The following EPHA3 variants were observed in gnomAD, a reference collection of about 807,000 sequenced individuals.
The protein encoded by EPHA3 is EPH receptor A3.
A neutral mutation model predicts 107.1 loss-of-function variants in EPHA3; 42 were observed. That is an observed-to-expected ratio of 0.39 (90% CI 0.31 to 0.51). The LOEUF is 0.51. Among genes scored for constraint, EPHA3 ranks in the 20% least tolerant of loss-of-function variants. EPHA3 has a pLI of 0.78. For missense variants in EPHA3, 1,183 were observed against 1,211.2 expected (o/e 0.98, Z 0.35); for synonymous variants, 461 against 424.8 (o/e 1.09, Z -1.05).
intron 10 of EPHA3, among the ~76,000 whole-genome samples, chr3:89,417,006 T>C (rs979601820): frequency 1.1e-4 from 16 of 151,510 alleles, no homozygotes; most frequent in African/African-American, 3.6e-4. Context: ...ATTTGTCAGT[T>C]TGATTTAAAC....
At chr3:89,342,143 G>A (rs1373310322) in intron 5 of EPHA3, 53 bp downstream of exon 5, 2 of 1,473,962 alleles carry the variant, frequency 1.4e-6, no homozygotes, top group African/African-American at 2.8e-5. Flanking sequence ...CTGAGTAATG[G>A]TTTTGACTCT....
chr3:89,459,425 C>CTCTT (rs201423646), intron 15 of EPHA3, among the ~76,000 whole-genome samples: 14 of 151,636 alleles, frequency 9.2e-5, no homozygotes, highest in South Asian at 2.1e-4. Flanking sequence ...CTTTTTCTTA[C>CTCTT]TCTTTCTTTC....
At chr3:89,475,396 C>T (rs905072251) in intron 16 of EPHA3, among the ~76,000 whole-genome samples, 3 of 152,136 alleles carry the variant, frequency 2.0e-5, no homozygotes, top group African/African-American at 7.2e-5. Flanking sequence ...TATTCCTATT[C>T]AGGCTGTCAA....
rs1211940988 is a variant in EPHA3, at chr3:89,480,236, T to C, written c.*734T>C. 4.3e-6 allele frequency: 1 copy of C among 233,006 alleles called. No individual in the cohort carries two copies. Among genetic ancestry groups the C allele is most frequent in the Non-Finnish European group, 8.5e-6 (1 of 117,864 alleles). The allele number at this position is 233,006 out of a possible 1,614,324, so 14.4% of individuals were successfully genotyped here. Reference sequence around the variant, plus strand: ...AAGTGCCAAATGCTCTCTCAAATTGTCAGCAATTTAACTAGACACAGATAA... The same window carrying C: ...AAGTGCCAAATGCTCTCTCAAATTGCCAGCAATTTAACTAGACACAGATAA... On this transcript the variant is annotated 3_prime_UTR_variant, in exon 17 of 17. Transcript: ENST00000336596.
At chr3:89,370,520 G>A (rs976469327) in intron 5 of EPHA3, among the ~76,000 whole-genome samples, 1 of 151,806 alleles carries the variant, frequency 6.6e-6, no homozygotes, top group Non-Finnish European at 1.5e-5. Context: ...GGTGGGAGGA[G>A]GGGGGAGGGA....
chr3:89,417,584 C>G (rs1322335011), intron 10 of EPHA3, among the ~76,000 whole-genome samples: 1 of 151,416 alleles, frequency 6.6e-6, no homozygotes, highest in African/African-American at 2.4e-5. Context: ...CACACCATAA[C>G]TTCTCTTTCT....
intron 3 of EPHA3, among the ~76,000 whole-genome samples, chr3:89,237,406 C>G (rs1704792108): frequency 6.6e-6 from 1 of 151,998 alleles, no homozygotes; most frequent in Non-Finnish European, 1.5e-5. Context: ...AAATAACGGC[C>G]ATACATGAGC....
chr3:89,342,788 C>G (rs146615853), intron 5 of EPHA3, among the ~76,000 whole-genome samples: 37 of 151,486 alleles, frequency 2.4e-4, no homozygotes, highest in African/African-American at 8.9e-4. Context: ...ATTATTGCTA[C>G]AAAATGTCAG....
chr3:89,219,803 G>T (rs1704324654), intron 3 of EPHA3, among the ~76,000 whole-genome samples: 1 of 135,496 alleles, frequency 7.4e-6, no homozygotes, highest in East Asian at 2.2e-4. Flanking sequence ...CCACCTCCCG[G>T]GTTCACGCCA....
chr3:89,174,908 A>G (rs1378334716), intron 2 of EPHA3, among the ~76,000 whole-genome samples: 1 of 152,004 alleles, frequency 6.6e-6, no homozygotes, highest in African/African-American at 2.4e-5. Context: ...GCATGTGCAG[A>G]GGAAAAAAAA....
At chr3:89,323,423 G>T (rs1269906095) in intron 3 of EPHA3, among the ~76,000 whole-genome samples, 3 of 152,004 alleles carry the variant, frequency 2.0e-5, no homozygotes, top group Non-Finnish European at 2.9e-5. Context: ...TTCTGAACCT[G>T]GGCTCTTAAC....
At chr3:89,413,446 G>A (rs1044462597) in intron 10 of EPHA3, among the ~76,000 whole-genome samples, 180 bp downstream of exon 10, 8 of 151,824 alleles carry the variant, frequency 5.3e-5, no homozygotes, top group Admixed American at 2.6e-4. Context: ...CAGACTTACC[G>A]GCTCACAGAC....
Position 89,107,657 on chromosome 3 carries a change from G to A in EPHA3, c.-92G>A, listed in dbSNP as rs1317399814. 14 of 1,186,424 alleles carry A rather than the reference G, an allele frequency of 1.2e-5. No homozygotes were observed. In the East Asian group the frequency reaches 1.2e-4, roughly 10 times the overall value. 73.5% of individuals were successfully genotyped at this position (1,186,424 alleles called of 1,614,324 possible). A position where few individuals can be genotyped will look rare whatever the true frequency, so the allele number is the denominator to read the frequency against. On this transcript the variant is annotated 5_prime_UTR_variant, in exon 1 of 17. It removes an upstream start codon present in the reference 5' UTR. Transcript: ENST00000336596. ...TGACATCAGCCTGCGAGCGGAGCAT[G>A]GTAACTTCTCCAGCAATCAGAGCGC...
intron 3 of EPHA3, among the ~76,000 whole-genome samples, chr3:89,264,904 T>C (rs1428663656): frequency 5.3e-5 from 8 of 152,202 alleles, no homozygotes; most frequent in Admixed American, 3.9e-4. Flanking sequence ...TGTACTCTTA[T>C]GCTTTAAATA....
rs1553690266 is a variant in EPHA3, at chr3:89,399,735, T to TA, written c.1594+255_1594+256insA. On this transcript the variant is annotated intron_variant, in intron 7 of 16. Transcript: ENST00000336596. Reference sequence around the variant, plus strand: ...TGCCTGAAATGCTTCTGTTTTTTTTTTTTAGCCATAAATTGCTTTTGAGGA... The same window carrying TA: ...TGCCTGAAATGCTTCTGTTTTTTTTTATTTAGCCATAAATTGCTTTTGAGGA... 3.3e-4 allele frequency: 383 copies of TA among 1,153,804 alleles called. 1 individual carries two copies. Among genetic ancestry groups the TA allele is most frequent in the Non-Finnish European group, 3.6e-4 (342 of 937,648 alleles). The allele number at this position is 1,153,804 out of a possible 1,614,324, so 71.5% of individuals were successfully genotyped here.
chr3:89,184,325 C>A (rs1206033705), intron 2 of EPHA3, among the ~76,000 whole-genome samples: 2 of 151,914 alleles, frequency 1.3e-5, no homozygotes, highest in Non-Finnish European at 2.9e-5. Flanking sequence ...GTAATGGTAT[C>A]CTTAGTAGGT....
Position 89,408,091 on chromosome 3 carries a change from T to C in EPHA3, c.1722T>C (p.His574=), listed in dbSNP as rs145276281. ...IGRFCGYKSK[H]GADEKRLHFG... ...GGTTCTGTGGCTATAAGTCAAAACA[T>C]GGGGCAGATGAAAAAAGACTTCATT... is the stretch of plus-strand genomic sequence containing the variant. The change falls in exon 9 of 17, where the codon CAT becomes CAC. Residue 574 remains histidine (H), a synonymous_variant. Transcript: ENST00000336596. The C allele has an allele frequency of 1.7e-5, 28 of 1,612,892 alleles. No homozygotes were observed. The highest frequency in any genetic ancestry group is 2.3e-5 in the Non-Finnish European group (27 of 1,179,178).
intron 3 of EPHA3, among the ~76,000 whole-genome samples, chr3:89,270,699 A>G (rs1224178520): frequency 1.3e-5 from 2 of 151,898 alleles, no homozygotes; most frequent in African/African-American, 4.8e-5. Flanking sequence ...TGCAAATATT[A>G]TTTCTTCAAA....
At chr3:89,206,804 A>G (rs1259212600) in intron 2 of EPHA3, among the ~76,000 whole-genome samples, 1 of 152,204 alleles carries the variant, frequency 6.6e-6, no homozygotes, top group Non-Finnish European at 1.5e-5. Context: ...GAGTGGATGC[A>G]TGAAAATTGT....
Sources: gnomAD v4.1 joint callset for allele counts (sites outside exome capture counted in the v4.1 genomes callset) on GRCh38, gnomAD v4.1.1 for gene constraint, MANE v1.5 for transcripts, NCBI Gene and HGNC (gene_info 2026-07-23, HGNC 2026-07-21) for gene names.